Variants in THSD7B observed in about 807,000 individuals in gnomAD.
THSD7B encodes thrombospondin type 1 domain containing 7B.
THSD7B carries 138 observed loss-of-function variants against 213.6 expected under a neutral mutation model. The observed-to-expected ratio is 0.65, with a 90% CI of 0.56 to 0.74. THSD7B has a LOEUF of 0.74. Ranked by LOEUF, THSD7B falls within the 30% of genes least tolerant of loss-of-function variation. The pLI, the probability that THSD7B is intolerant of heterozygous loss-of-function variation, is 0.00. For synonymous variants in THSD7B, 742 were observed against 687.0 expected (o/e 1.08, Z -1.25); for missense variants, 1,931 against 1,991.5 (o/e 0.97, Z 0.58).
intron 20 of THSD7B, among the ~76,000 whole-genome samples, chr2:137,624,967 A>G (rs1020508612): frequency 6.6e-6 from 1 of 152,212 alleles, no homozygotes; most frequent in African/African-American, 2.4e-5. Flanking sequence ...CAGCGATCCC[A>G]TTACTGGGTA....
intron 27 of THSD7B, among the ~76,000 whole-genome samples, chr2:137,671,376 G>T (rs1683572808): frequency 6.6e-6 from 1 of 151,924 alleles, no homozygotes. Context: ...TTTCACATTA[G>T]GGCACTATAT....
At chr2:137,316,293 C>T (rs559382591) in intron 12 of THSD7B, among the ~76,000 whole-genome samples, 8 of 152,316 alleles carry the variant, frequency 5.3e-5, no homozygotes, top group African/African-American at 7.2e-5. Flanking sequence ...CTGTTCTTAA[C>T]GGAATGCCAC....
chr2:137,325,580 G>GACAC (rs145681799), intron 12 of THSD7B, among the ~76,000 whole-genome samples: 1 of 151,384 alleles, frequency 6.6e-6, no homozygotes. Context: ...ATAACTCACA[G>GACAC]ACACACACAC....
chr2:136,800,772 C>CAGAGAGAG (rs146528799), intron 1 of THSD7B, among the ~76,000 whole-genome samples: 19 of 146,772 alleles, frequency 1.3e-4, no homozygotes, highest in African/African-American at 1.8e-4. Context: ...AATGGTAAGG[C>CAGAGAGAG]AGAGAGAGAG....
At chr2:137,384,909 G>C (rs537185960) in intron 12 of THSD7B, among the ~76,000 whole-genome samples, 3 of 152,112 alleles carry the variant, frequency 2.0e-5, no homozygotes, top group Non-Finnish European at 4.4e-5. Context: ...CACCCCAACA[G>C]GTGCCGAGAT....
chr2:137,119,747 A>G (rs544869118), intron 5 of THSD7B, among the ~76,000 whole-genome samples: 1 of 152,248 alleles, frequency 6.6e-6, no homozygotes, highest in South Asian at 2.1e-4. Context: ...GAAATCTTCT[A>G]TTGACTGTAC....
At chr2:137,518,906 A>G (rs187612543) in intron 15 of THSD7B, among the ~76,000 whole-genome samples, 291 of 152,256 alleles carry the variant, frequency 1.9e-3, no homozygotes, top group African/African-American at 6.9e-3. Flanking sequence ...GGTTGATTAT[A>G]TTGGACCTCT....
intron 2 of THSD7B, among the ~76,000 whole-genome samples, chr2:136,997,589 A>G (rs1366174749): frequency 6.6e-6 from 1 of 152,156 alleles, no homozygotes; most frequent in East Asian, 1.9e-4. Context: ...TGGGAAGAGG[A>G]TGTGATAAAG....
chr2:136,835,152 A>G (rs1197211540), intron 1 of THSD7B, among the ~76,000 whole-genome samples: 1 of 152,224 alleles, frequency 6.6e-6, no homozygotes, highest in Non-Finnish European at 1.5e-5. Context: ...TACAAAGCTT[A>G]ATATTTTAAG....
At chr2:137,156,739 C>T (rs1160438902) in intron 5 of THSD7B, among the ~76,000 whole-genome samples, 1 of 152,184 alleles carries the variant, frequency 6.6e-6, no homozygotes, top group East Asian at 1.9e-4. Flanking sequence ...GCACTGCCAA[C>T]CATAAGCCCT....
intron 17 of THSD7B, among the ~76,000 whole-genome samples, chr2:137,583,581 T>C (rs1336690899): frequency 4.6e-5 from 7 of 152,216 alleles, no homozygotes; most frequent in Non-Finnish European, 8.8e-5. Context: ...CCCAGCACCA[T>C]TTATTAAATA....
At chr2:137,581,312 G>T (rs1023553950) in intron 17 of THSD7B, among the ~76,000 whole-genome samples, 1 of 152,146 alleles carries the variant, frequency 6.6e-6, no homozygotes, top group East Asian at 1.9e-4. Context: ...TATAGGCCGG[G>T]TGCAGTGGTT....
chr2:137,094,831 A>G lies in THSD7B; in HGVS notation c.951-42A>G, dbSNP rs761104007. On this transcript the variant is annotated intron_variant, in intron 3 of 27. Transcript: ENST00000409968. ...GCACTTTATAATGTTAGTTGCATCC[A>G]TTAATATATGGCCTCCTATTTTCTA... The G allele has an allele frequency of 3.1e-6, 5 of 1,589,028 alleles. No homozygotes were observed. In the South Asian group the frequency reaches 3.4e-5, roughly 11 times the overall value.
intron 1 of THSD7B, among the ~76,000 whole-genome samples, chr2:136,838,844 A>G (rs1682879346): frequency 6.6e-6 from 1 of 152,168 alleles, no homozygotes. Context: ...CCCCAAGTAT[A>G]AAATCATCAT....
chr2:137,411,087 G>A (rs1686641382), intron 13 of THSD7B, among the ~76,000 whole-genome samples: 1 of 152,230 alleles, frequency 6.6e-6, no homozygotes, highest in African/African-American at 2.4e-5. Flanking sequence ...AAATTATCCA[G>A]TATGACTTGA....
chr2:136,904,147 G>A (rs535695462), intron 2 of THSD7B, among the ~76,000 whole-genome samples: 15 of 152,264 alleles, frequency 9.9e-5, no homozygotes, highest in South Asian at 2.1e-4. Flanking sequence ...AATATTCAGT[G>A]TGTAGCGAGA....
At chr2:137,241,326 CTG>C (rs1323608372) in intron 9 of THSD7B, among the ~76,000 whole-genome samples, 1 of 152,160 alleles carries the variant, frequency 6.6e-6, no homozygotes, top group African/African-American at 2.4e-5. Flanking sequence ...TGGTGTAACA[CTG>C]TTGTAGAATA....
chr2:136,839,857 G>T (rs1682897563), intron 1 of THSD7B, among the ~76,000 whole-genome samples: 2 of 152,064 alleles, frequency 1.3e-5, no homozygotes, highest in African/African-American at 4.8e-5. Context: ...ATGTACTTAA[G>T]TTGAGTCAAT....
intron 17 of THSD7B, among the ~76,000 whole-genome samples, chr2:137,595,701 T>A (rs1558853568): frequency 6.6e-6 from 1 of 151,988 alleles, no homozygotes; most frequent in African/African-American, 2.4e-5. Context: ...AATTTCATTT[T>A]AAAAATATAC....
Sources: gnomAD v4.1 joint callset for allele counts (sites outside exome capture counted in the v4.1 genomes callset) on GRCh38, gnomAD v4.1.1 for gene constraint, MANE v1.5 for transcripts, NCBI Gene and HGNC (gene_info 2026-07-23, HGNC 2026-07-21) for gene names.